Variants in ARSH observed in about 807,000 individuals in gnomAD.
ARSH encodes the protein arylsulfatase family member H.
A neutral mutation model predicts 28.7 loss-of-function variants in ARSH; 32 were observed. That is an observed-to-expected ratio of 1.11 (90% CI 0.84 to 1.50). ARSH has a LOEUF of 1.50. Among genes scored for constraint, ARSH ranks in the 40% most tolerant of loss-of-function variants. ARSH has a pLI of 0.00. For synonymous variants in ARSH, 176 were observed against 177.3 expected, an observed-to-expected ratio of 0.99 and a Z score of 0.06; for missense variants, 440 against 452.4, an observed-to-expected ratio of 0.97 and a Z score of 0.25.
intron 8 of ARSH, 34 bp downstream of exon 8, chrX:3,029,402 G>A (rs1284351538): frequency 1.4e-5 from 17 of 1,187,767 alleles, no homozygotes; most frequent in Non-Finnish European, 1.8e-5. Flanking sequence ...GTGGAAAGAC[G>A]ATAAGGGCCC....
chrX:3,010,816 C>A (rs765108693), intron 2 of ARSH, among the ~76,000 whole-genome samples: 6 of 111,791 alleles, frequency 5.4e-5, no homozygotes, highest in African/African-American at 1.9e-4. Context: ...AATATCGTGT[C>A]ATGCTGTTGC....
intron 5 of ARSH, 56 bp from the exon 6 acceptor site, chrX:3,023,965 A>G (rs1354587073): frequency 3.4e-6 from 4 of 1,185,827 alleles, no homozygotes; most frequent in African/African-American, 3.5e-5. Flanking sequence ...TATGTAATAA[A>G]GCAGTGGTGA....
At chrX:3,030,688 G>T (rs943644232) in intron 8 of ARSH, among the ~76,000 whole-genome samples, 2 of 111,691 alleles carry the variant, frequency 1.8e-5, no homozygotes, top group Admixed American at 1.9e-4. Flanking sequence ...GGCAGAAACT[G>T]CCCCCATATT....
At chrX:3,027,597 C>T in intron 7 of ARSH, 122 bp downstream of exon 7, 1 of 781,895 alleles carries the variant, frequency 1.3e-6, no homozygotes, top group African/African-American at 2.1e-5. Flanking sequence ...ATATTCTGCC[C>T]ATAGGGCCAG....
At chrX:3,015,532 TA>T (rs915665941) in intron 4 of ARSH, 139 bp downstream of exon 4, 1 of 604,007 alleles carries the variant, frequency 1.7e-6, no homozygotes, top group African/African-American at 2.3e-5. Flanking sequence ...GTTCCTGTAT[TA>T]ATTTGCTTAG....
chrX:3,031,766 TTTG>T (rs781085263), intron 8 of ARSH, among the ~76,000 whole-genome samples: 2 of 111,836 alleles, frequency 1.8e-5, no homozygotes, highest in East Asian at 5.6e-4. Context: ...AGTAGAATTT[TTTG>T]TTATTATTTT....
rs182457908 is a variant in ARSH, at chrX:3,016,833, C to T, written c.764+1440C>T. On this transcript the variant is annotated intron_variant, in intron 4 of 8. Transcript: ENST00000381130. ...TCCTGGGTTCAAGCGATCCTCCTGC[C>T]TTGACCTCCCAAAATGCTGGGATTA... Among the ~76,000 whole-genome samples the T allele has an allele frequency of 3.5e-3, 394 of 111,459 alleles. 1 individual carries two copies. Among genetic ancestry groups the T allele is most frequent in the African/African-American group, 0.012 (355 of 30,698 alleles).
intron 8 of ARSH, 147 bp from the exon 9 acceptor site, chrX:3,032,871 T>C: frequency 3.6e-6 from 2 of 554,818 alleles, no homozygotes; most frequent in Non-Finnish European, 5.6e-6. Context: ...TTCTTAGAGT[T>C]GAAGAAATGC....
rs1172900734 is a variant in ARSH at position 3,027,469 on chromosome X, A to G, written c.1193A>G (p.Gln398Arg). Residue 398 changes from glutamine to arginine, a missense_variant, in exon 7 of 9, where the codon CAG becomes CGG. Coordinates refer to ENST00000381130, the MANE Select transcript of ARSH (RefSeq NM_001011719.2). The stretch of plus-strand genomic sequence containing the variant: ...TATATAGGCGGAGGGATCTTGTCCC[A>G]GGACAGGTATGGAAACAGTGTTTGC... ...LSYIGGGILS[Q>R]DRVIDGQNLM... 8.3e-7 allele frequency: 1 copy of G among 1,208,495 alleles called. No homozygotes were observed. Among genetic ancestry groups the G allele is most frequent in the Non-Finnish European group, 1.1e-6 (1 of 894,380 alleles).
chrX:3,008,150 G>C (rs1603463251), intron 1 of ARSH, among the ~76,000 whole-genome samples: 1 of 111,911 alleles, frequency 8.9e-6, no homozygotes, highest in Non-Finnish European at 1.9e-5. Flanking sequence ...TCATATTGTA[G>C]CATGCGTCAG....
At chrX:3,009,693 T>A (rs1213871020) in intron 1 of ARSH, among the ~76,000 whole-genome samples, 1 of 110,746 alleles carries the variant, frequency 9.0e-6, no homozygotes, top group Non-Finnish European at 1.9e-5. Context: ...TTTTACTTAA[T>A]CTAAATTACC....
In ARSH at chrX:3,033,061, C is replaced by T; in HGVS notation, c.1365C>T (p.Tyr455=). The change falls in exon 9 of 9, where the codon TAC becomes TAT. Residue 455 remains tyrosine (Y), a synonymous_variant. Transcript: ENST00000381130. ...WKAHYVTPKF[Y]PEGTGACYGS... Reference sequence around the variant, plus strand: ...CTCATTATGTGACTCCTAAATTCTACCCTGAAGGAACAGGTGCCTGCTATG... The same window carrying T: ...CTCATTATGTGACTCCTAAATTCTATCCTGAAGGAACAGGTGCCTGCTATG... 6 of 1,211,040 alleles carry T rather than the reference C, an allele frequency of 5.0e-6. No homozygotes were observed. The highest frequency in any genetic ancestry group is 6.7e-6 in the Non-Finnish European group (6 of 895,161).
intron 4 of ARSH, among the ~76,000 whole-genome samples, 161 bp from the exon 5 acceptor site, chrX:3,018,372 CT>C (rs1250883860): frequency 8.9e-6 from 1 of 111,758 alleles, no homozygotes; most frequent in Non-Finnish European, 1.9e-5. Context: ...CAACATAAAT[CT>C]TGTGGTATTT....
chrX:3,025,753 T>A (rs1187008478), intron 6 of ARSH, among the ~76,000 whole-genome samples: 1 of 110,526 alleles, frequency 9.0e-6, no homozygotes, highest in African/African-American at 3.3e-5. Context: ...TGAGTCACCA[T>A]ATATATGCCA....
At chrX:3,009,798 CT>C (rs1265407903) in intron 1 of ARSH, among the ~76,000 whole-genome samples, 6 of 111,621 alleles carry the variant, frequency 5.4e-5, no homozygotes, top group African/African-American at 2.0e-4. Flanking sequence ...ACCGAGTGAC[CT>C]GTATTCATTT....
In ARSH at chrX:3,026,089, C is replaced by T. The variant is rs756516927; in HGVS notation, c.1037-1224C>T. Among the ~76,000 whole-genome samples, 9 of 111,034 alleles carry T rather than the reference C, an allele frequency of 8.1e-5. No individual in the cohort carries two copies. The East Asian group carries it at 2.0e-3, about 24-fold the overall frequency. ...CCACAAAGATACAGGTTATTAAATA[C>T]GATGAAGAAAACATCAGGATGGCTT... On this transcript the variant is annotated intron_variant, in intron 6 of 8. Transcript: ENST00000381130.
chrX:3,010,181 A>G (rs377084606), intron 2 of ARSH, 30 bp downstream of exon 2: 12 of 1,194,983 alleles, frequency 1.0e-5, no homozygotes, highest in African/African-American at 8.8e-5. Flanking sequence ...GCAACATTTC[A>G]GTCTCACCAG....
intron 5 of ARSH, among the ~76,000 whole-genome samples, chrX:3,021,915 C>T (rs866966338): frequency 1.2e-5 from 1 of 84,621 alleles, no homozygotes; most frequent in Non-Finnish European, 2.3e-5. Flanking sequence ...GTGTGTGTCT[C>T]TGTGTGTTTT....
At chrX:3,012,590 T>TA (rs369212111) in intron 2 of ARSH, among the ~76,000 whole-genome samples, 3,968 of 23,143 alleles carry the variant, frequency 0.17, 459 homozygotes, top group East Asian at 0.56. Context: ...TATATATATA[T>TA]ATATATATAA....
Sources: gnomAD v4.1 joint callset for allele counts (sites outside exome capture counted in the v4.1 genomes callset) on GRCh38, gnomAD v4.1.1 for gene constraint, MANE v1.5 for transcripts, NCBI Gene and HGNC (gene_info 2026-07-23, HGNC 2026-07-21) for gene names.